Variants in L3MBTL4 observed in about 807,000 individuals in gnomAD.
The protein encoded by L3MBTL4 is L3MBTL histone methyl-lysine binding protein 4.
A neutral mutation model predicts 84.5 loss-of-function variants in L3MBTL4; 70 were observed. That is an observed-to-expected ratio of 0.83 (90% CI 0.68 to 1.01). The LOEUF (loss-of-function observed/expected upper bound fraction) is 1.01, where lower values mean the gene tolerates loss of function less well. L3MBTL4 is among the 50% of genes least tolerant of loss of function. The pLI is 0.00. For synonymous variants in L3MBTL4, 274 were observed against 259.8 expected, an observed-to-expected ratio of 1.05 and a Z score of -0.52; for missense variants, 715 against 754.8, an observed-to-expected ratio of 0.95 and a Z score of 0.62.
intron 14 of L3MBTL4, among the ~76,000 whole-genome samples, chr18:6,127,376 C>G (rs1405993220): frequency 6.6e-6 from 1 of 151,870 alleles, no homozygotes; most frequent in Admixed American, 6.6e-5. Context: ...CCAGAGTGGC[C>G]CAGGGAAGCC....
chr18:6,299,491 A>C (rs763455587), intron 4 of L3MBTL4, among the ~76,000 whole-genome samples: 13 of 152,316 alleles, frequency 8.5e-5, no homozygotes, highest in Non-Finnish European at 1.9e-4. Flanking sequence ...ATGCACCACT[A>C]ACCAGTTAAG....
intron 15 of L3MBTL4, among the ~76,000 whole-genome samples, chr18:6,090,902 A>C (rs959798836): frequency 6.6e-6 from 1 of 151,948 alleles, no homozygotes; most frequent in Non-Finnish European, 1.5e-5. Context: ...AAAATTACAG[A>C]AGGCCTGTCC....
chr18:6,242,215 C>T (rs1437642549), intron 7 of L3MBTL4, among the ~76,000 whole-genome samples: 3 of 152,298 alleles, frequency 2.0e-5, no homozygotes, highest in Non-Finnish European at 4.4e-5. Flanking sequence ...CCTGAGATGA[C>T]TCATCCTCGC....
intron 9 of L3MBTL4, 40 bp from the exon 10 acceptor site, chr18:6,238,080 C>G: frequency 6.5e-7 from 1 of 1,547,876 alleles, no homozygotes; most frequent in South Asian, 1.1e-5. Context: ...CGTTTTACTT[C>G]ATGCCAGAGA....
intron 16 of L3MBTL4, among the ~76,000 whole-genome samples, chr18:6,051,538 CAAA>C (rs71370540): frequency 7.2e-6 from 1 of 138,536 alleles, no homozygotes. Flanking sequence ...GGCTCTGTCT[CAAA>C]AAAAAAAAAA....
chr18:6,364,753 A>G (rs1292710247), intron 1 of L3MBTL4, among the ~76,000 whole-genome samples: 3 of 152,136 alleles, frequency 2.0e-5, no homozygotes, highest in African/African-American at 2.4e-5. Context: ...ACTTGTATCT[A>G]TCATATATAC....
intron 1 of L3MBTL4, among the ~76,000 whole-genome samples, chr18:6,334,089 G>A (rs341188): frequency 6.6e-6 from 1 of 152,190 alleles, no homozygotes. Context: ...CCAGGTAGTG[G>A]TTCTTATGTA....
chr18:6,384,258 T>C (rs923387770), intron 1 of L3MBTL4, among the ~76,000 whole-genome samples: 1 of 152,168 alleles, frequency 6.6e-6, no homozygotes, highest in Admixed American at 6.5e-5. Flanking sequence ...AAGAGGATTA[T>C]GCACACACAC....
At chr18:6,339,500 GAA>G (rs2052504377) in intron 1 of L3MBTL4, among the ~76,000 whole-genome samples, 1 of 152,066 alleles carries the variant, frequency 6.6e-6, no homozygotes. Flanking sequence ...CTCGTGCTTA[GAA>G]AGAAAGTATA....
At chr18:6,133,333 T>TCACA (rs71699994) in intron 14 of L3MBTL4, among the ~76,000 whole-genome samples, 2,985 of 146,760 alleles carry the variant, frequency 0.02, 103 homozygotes, top group African/African-American at 0.071. Flanking sequence ...CAGCTCTAGA[T>TCACA]CACACACACA....
intron 14 of L3MBTL4, among the ~76,000 whole-genome samples, chr18:6,130,354 A>G (rs2059836378): frequency 1.3e-5 from 2 of 152,052 alleles, no homozygotes; most frequent in Non-Finnish European, 1.5e-5. Context: ...TGACCGAACA[A>G]TTCCAGGTAA....
chr18:5,993,132 G>A (rs866835034), intron 16 of L3MBTL4, among the ~76,000 whole-genome samples: 1 of 152,152 alleles, frequency 6.6e-6, no homozygotes, highest in Non-Finnish European at 1.5e-5. Context: ...TCTTTCCAGC[G>A]CTCACACCAA....
intron 1 of L3MBTL4, among the ~76,000 whole-genome samples, chr18:6,337,133 T>C (rs1264782521): frequency 1.3e-5 from 2 of 151,594 alleles, no homozygotes; most frequent in Non-Finnish European, 2.9e-5. Context: ...AAAAGGAGCA[T>C]AAAATATATA....
chr18:6,219,471 C>G (rs1004600723), intron 10 of L3MBTL4, among the ~76,000 whole-genome samples: 2 of 143,052 alleles, frequency 1.4e-5, no homozygotes, highest in African/African-American at 5.0e-5. Context: ...CCACCCATGC[C>G]CACAGCCACA....
At chr18:6,159,738 G>C (rs1264898693) in intron 13 of L3MBTL4, among the ~76,000 whole-genome samples, 2 of 151,876 alleles carry the variant, frequency 1.3e-5, no homozygotes, top group Non-Finnish European at 2.9e-5. Flanking sequence ...TCAGTTTTTT[G>C]TCATTTCATA....
At chr18:6,075,965 GCTA>G (rs1293810265) in intron 16 of L3MBTL4, among the ~76,000 whole-genome samples, 1 of 152,126 alleles carries the variant, frequency 6.6e-6, no homozygotes, top group Non-Finnish European at 1.5e-5. Flanking sequence ...CAAAAGAATG[GCTA>G]CAATGAAAGA....
chr18:6,171,956 T>A lies in L3MBTL4; in HGVS notation c.982-14A>T. ...ATCAAAATGAACCTGTTAAAACGAGTTTTGAATGATTAGCATTTAGTAATT... is the reference window on the plus strand; with the variant it reads ...ATCAAAATGAACCTGTTAAAACGAGATTTGAATGATTAGCATTTAGTAATT... On this transcript the variant is annotated splice_polypyrimidine_tract_variant and intron_variant, in intron 12 of 18. Coordinates refer to ENST00000317931, the MANE Select transcript of L3MBTL4 (RefSeq NM_001330559.2). 3.1e-6 allele frequency: 4 copies of A among 1,271,480 alleles called. No individual in the cohort carries two copies. The highest frequency in any genetic ancestry group is 4.4e-6 in the Non-Finnish European group (4 of 899,280). 78.8% of individuals were successfully genotyped at this position (1,271,480 alleles called of 1,614,324 possible).
At position 6,173,648 on chromosome 18, in the gene L3MBTL4, G is replaced by C. The variant is rs371971293; in HGVS notation, c.982-1706C>G. Among the ~76,000 whole-genome samples, 132 of 152,094 alleles carry C rather than the reference G, an allele frequency of 8.7e-4. No individual in the cohort carries two copies. In the South Asian group the frequency reaches 0.013, roughly 15 times the overall value. ...TACAAAAACTAGCCAGGTGTGTGGT[G>C]TGCACCTGTGGTCCCAGCTACTCAG... On this transcript the variant is annotated intron_variant, in intron 12 of 18. Coordinates refer to ENST00000317931, the MANE Select transcript of L3MBTL4 (RefSeq NM_001330559.2).
intron 1 of L3MBTL4, among the ~76,000 whole-genome samples, chr18:6,333,639 G>A (rs963127168): frequency 9.9e-5 from 15 of 152,088 alleles, no homozygotes; most frequent in African/African-American, 3.6e-4. Flanking sequence ...GATGCAGGTG[G>A]GGTGGGAAGA....
Sources: gnomAD v4.1 joint callset for allele counts (sites outside exome capture counted in the v4.1 genomes callset) on GRCh38, gnomAD v4.1.1 for gene constraint, MANE v1.5 for transcripts, NCBI Gene and HGNC (gene_info 2026-07-23, HGNC 2026-07-21) for gene names.